MEGF10: variants seen among roughly 807,000 people sequenced by gnomAD.
MEGF10 encodes multiple epidermal growth factor-like domains protein 10.
A neutral mutation model predicts 147.5 loss-of-function variants in MEGF10; 86 were observed. The ratio of observed to expected loss-of-function variants is 0.58; its 90% confidence interval spans 0.49 to 0.70. The LOEUF is 0.70. Among genes scored for constraint, MEGF10 ranks in the 30% least tolerant of loss-of-function variants. The probability of loss-of-function intolerance (pLI) is 0.00; values close to 1 mark genes in which losing one functional copy is unlikely to be tolerated. For synonymous variants in MEGF10, 478 were observed against 525.5 expected (o/e 0.91, Z 1.24); for missense variants, 1,329 against 1,487.3 (o/e 0.89, Z 1.75).
chr5:127,396,423 C>A (rs1195704233), intron 5 of MEGF10, 109 bp from the exon 6 acceptor site: 1 of 1,310,582 alleles, frequency 7.6e-7, no homozygotes, highest in Non-Finnish European at 1.0e-6. Context: ...GCCCTGATGT[C>A]CAGCTAATGA....
At chr5:127,266,944 A>T in the MEGF10 span, among the ~76,000 whole-genome samples, 14 of 152,310 alleles carry the variant, frequency 9.2e-5, no homozygotes, top group South Asian at 2.7e-3. Flanking sequence ...CCTGGCCAGA[A>T]CTTCCAACAC....
intron 4 of MEGF10, among the ~76,000 whole-genome samples, chr5:127,351,739 G>A (rs1580749409): frequency 6.6e-6 from 1 of 152,186 alleles, no homozygotes. Context: ...TGCCACTCCT[G>A]TAACTTCACA....
chr5:127,359,620 G>T (rs1407378368), intron 4 of MEGF10, among the ~76,000 whole-genome samples: 1 of 152,032 alleles, frequency 6.6e-6, no homozygotes, highest in Non-Finnish European at 1.5e-5. Context: ...TATATAAGTG[G>T]ACTCATAGAG....
At position 127,445,506 on chromosome 5, in the gene MEGF10, T is replaced by A; in HGVS notation, c.2541T>A (p.Thr847=). ...GNLNSLSRTS[T]ALPADSYQIG... is the part of the protein sequence containing the mutation. ...TGAACAGCTTAAGCCGAACCAGTAC[T>A]GCTCTCCCTGCTGATTCCTACCAGA... The change falls in exon 20 of 25, where the codon ACT becomes ACA. Residue 847 remains threonine (T), a synonymous_variant. Transcript: ENST00000503335. 6.2e-7 allele frequency: 1 copy of A among 1,614,180 alleles called. No homozygotes were observed.
the MEGF10 span, among the ~76,000 whole-genome samples, chr5:127,253,917 G>T: frequency 6.6e-6 from 1 of 151,806 alleles, no homozygotes; most frequent in Non-Finnish European, 1.5e-5. Flanking sequence ...TGTAATTTGA[G>T]AAAAAATTGA....
intron 2 of MEGF10, among the ~76,000 whole-genome samples, chr5:127,337,489 C>G (rs1317621726): frequency 6.6e-5 from 10 of 151,998 alleles, no homozygotes; most frequent in Admixed American, 6.6e-4. Flanking sequence ...CTTAGAACCT[C>G]AGGACACCGC....
At chr5:127,268,775 C>G in the MEGF10 span, among the ~76,000 whole-genome samples, 12 of 152,238 alleles carry the variant, frequency 7.9e-5, no homozygotes, top group Non-Finnish European at 2.9e-5. Flanking sequence ...GATCTGAGAA[C>G]GGACAGACTG....
rs17684438 is a variant in MEGF10 at position 127,331,576 on chromosome 5, G to A, written c.116+152G>A. On this transcript the variant is annotated intron_variant, in intron 2 of 24. Transcript: ENST00000503335. Reference sequence around the variant, plus strand: ...ATTAGTCATAGCTAGCAAATTAGGTGGTGTTAGTCACCTTGGTCTTATAGC... The same window carrying A: ...ATTAGTCATAGCTAGCAAATTAGGTAGTGTTAGTCACCTTGGTCTTATAGC... 0.028 allele frequency: 15,220 copies of A among 550,966 alleles called. 492 individuals are homozygous for A. The highest frequency in any genetic ancestry group is 0.11 in the East Asian group (3,715 of 33,340). 34.1% of individuals were successfully genotyped at this position (550,966 alleles called of 1,614,324 possible).
chr5:127,428,391 A>G (rs1561641575), intron 13 of MEGF10, among the ~76,000 whole-genome samples: 1 of 152,128 alleles, frequency 6.6e-6, no homozygotes, highest in Non-Finnish European at 1.5e-5. Flanking sequence ...GCCAACTCCC[A>G]TCCTGCAGAA....
chr5:127,254,242 G>A, the MEGF10 span, among the ~76,000 whole-genome samples: 2 of 151,998 alleles, frequency 1.3e-5, no homozygotes, highest in Non-Finnish European at 2.9e-5. Context: ...ACCCCAACCA[G>A]TCTCCGTCCC....
chr5:127,406,811 A>G (rs921542745), intron 8 of MEGF10, among the ~76,000 whole-genome samples: 1 of 152,196 alleles, frequency 6.6e-6, no homozygotes, highest in African/African-American at 2.4e-5. Context: ...GTGAAGAGAC[A>G]ATGGTTTCCA....
At chr5:127,412,383 T>C (rs1348773323) in intron 9 of MEGF10, among the ~76,000 whole-genome samples, 3 of 152,340 alleles carry the variant, frequency 2.0e-5, no homozygotes, top group South Asian at 2.1e-4. Flanking sequence ...TAAACTTCTA[T>C]GTGTAAAACT....
chr5:127,253,205 TA>T, the MEGF10 span, among the ~76,000 whole-genome samples: 1 of 151,896 alleles, frequency 6.6e-6, no homozygotes, highest in African/African-American at 2.4e-5. Context: ...TCTATTTGTT[TA>T]AAAAAAATTT....
At chr5:127,291,400 T>C (rs536144124) in intron 1 of MEGF10, among the ~76,000 whole-genome samples, 1 of 152,284 alleles carries the variant, frequency 6.6e-6, no homozygotes, top group East Asian at 1.9e-4. Context: ...GGGAGATTTG[T>C]GGGGAATCGG....
intron 8 of MEGF10, among the ~76,000 whole-genome samples, chr5:127,410,040 A>T (rs993947978): frequency 5.3e-5 from 8 of 152,136 alleles, no homozygotes; most frequent in African/African-American, 1.9e-4. Flanking sequence ...ACATTTGAAA[A>T]TTTTTTTCCC....
intron 1 of MEGF10, among the ~76,000 whole-genome samples, chr5:127,304,878 A>ACGGAAC (rs1759942195): frequency 6.6e-6 from 1 of 152,144 alleles, no homozygotes; most frequent in Admixed American, 6.5e-5. Flanking sequence ...CTTACCAGAA[A>ACGGAAC]CCAAATTGGC....
intron 22 of MEGF10, 139 bp downstream of exon 22, chr5:127,449,361 T>C: frequency 9.0e-7 from 1 of 1,110,578 alleles, no homozygotes; most frequent in Middle Eastern, 3.1e-4. Context: ...GCCTAACACC[T>C]GTACAGGGCT....
chr5:127,231,124 G>C, the MEGF10 span, among the ~76,000 whole-genome samples: 5 of 152,116 alleles, frequency 3.3e-5, no homozygotes, highest in African/African-American at 1.2e-4. Context: ...TCTCTCTCCT[G>C]AGTTTATGCA....
At chr5:127,425,557 T>C (rs1765183468) in intron 13 of MEGF10, among the ~76,000 whole-genome samples, 1 of 151,996 alleles carries the variant, frequency 6.6e-6, no homozygotes. Flanking sequence ...AAAACACATG[T>C]AGAGGAAAAG....
Sources: gnomAD v4.1 joint callset for allele counts (sites outside exome capture counted in the v4.1 genomes callset) on GRCh38, gnomAD v4.1.1 for gene constraint, MANE v1.5 for transcripts, NCBI Gene and HGNC (gene_info 2026-07-23, HGNC 2026-07-21) for gene names.